The following SLC9A9 variants were observed in gnomAD, a reference collection of about 807,000 sequenced individuals.
The protein encoded by SLC9A9 is sodium/hydrogen exchanger 9.
A neutral mutation model predicts 77.8 loss-of-function variants in SLC9A9; 62 were observed. The observed-to-expected ratio is 0.80, with a 90% CI of 0.65 to 0.98. SLC9A9 has a LOEUF of 0.98. Ranked by LOEUF, SLC9A9 falls within the 50% of genes least tolerant of loss-of-function variation. The pLI is 0.00. For synonymous variants in SLC9A9, 320 were observed against 283.5 expected, an observed-to-expected ratio of 1.13 and a Z score of -1.29; for missense variants, 775 against 774.9, an observed-to-expected ratio of 1.00 and a Z score of 0.00.
intron 9 of SLC9A9, among the ~76,000 whole-genome samples, chr3:143,523,606 C>T (rs542205979): frequency 3.9e-5 from 6 of 152,222 alleles, no homozygotes; most frequent in Admixed American, 2.0e-4. Context: ...GAAGTCCCAA[C>T]GTCATTTTAT....
intron 14 of SLC9A9, 58 bp from the exon 15 acceptor site, chr3:143,269,038 G>C: frequency 1.6e-6 from 2 of 1,271,826 alleles, no homozygotes; most frequent in South Asian, 1.2e-5. Context: ...GGAATCTTAC[G>C]CTGCACAAAC....
intron 12 of SLC9A9, among the ~76,000 whole-genome samples, chr3:143,403,554 T>G (rs1450363428): frequency 6.6e-6 from 1 of 152,174 alleles, no homozygotes; most frequent in Non-Finnish European, 1.5e-5. Context: ...AACAACAAAT[T>G]CAGTCTTTAT....
intron 9 of SLC9A9, among the ~76,000 whole-genome samples, chr3:143,529,190 G>A (rs893215857): frequency 1.3e-5 from 2 of 152,156 alleles, no homozygotes; most frequent in Non-Finnish European, 2.9e-5. Flanking sequence ...AGTGGGAAAT[G>A]CCCCTCTGGG....
intron 4 of SLC9A9, among the ~76,000 whole-genome samples, chr3:143,706,880 C>T (rs890936140): frequency 2.0e-5 from 3 of 152,080 alleles, no homozygotes; most frequent in Non-Finnish European, 2.9e-5. Flanking sequence ...CAAGATAATC[C>T]TTCTTAGAGT....
At chr3:143,320,850 A>G (rs1167639153) in intron 14 of SLC9A9, among the ~76,000 whole-genome samples, 4 of 152,226 alleles carry the variant, frequency 2.6e-5, no homozygotes, top group Admixed American at 2.0e-4. Context: ...AGATGAGGTC[A>G]TAGCATGGAT....
intron 5 of SLC9A9, among the ~76,000 whole-genome samples, chr3:143,662,764 A>T (rs967762859): frequency 1.1e-4 from 17 of 152,008 alleles, no homozygotes; most frequent in African/African-American, 4.1e-4. Context: ...GGTGTCTGCC[A>T]TTGCTGAGGC....
At chr3:143,329,542 C>T (rs1372909032) in intron 14 of SLC9A9, among the ~76,000 whole-genome samples, 2 of 152,156 alleles carry the variant, frequency 1.3e-5, no homozygotes, top group Non-Finnish European at 1.5e-5. Context: ...CCCGACTCTG[C>T]CATCCTCCCA....
Position 143,613,344 on chromosome 3 carries a change from G to GAAAATTAAGACTGTTGTGA in SLC9A9, c.756-34640_756-34622dup, listed in dbSNP as rs1159319522. Among the ~76,000 whole-genome samples, 14 of 152,310 alleles carry GAAAATTAAGACTGTTGTGA rather than the reference G, an allele frequency of 9.2e-5. No homozygotes were observed. The South Asian group carries it at 2.9e-3, about 32-fold the overall frequency. The stretch of plus-strand genomic sequence containing the variant: ...ACTATAGATGTTAGCTTACTGAAAA[G>GAAAATTAAGACTGTTGTGA]AAAATTAAGACTGTTGTGAAACAGT... On this transcript the variant is annotated intron_variant, in intron 6 of 15. Coordinates refer to ENST00000316549, the MANE Select transcript of SLC9A9 (RefSeq NM_173653.4).
chr3:143,745,511 T>G (rs1204892728), intron 4 of SLC9A9, among the ~76,000 whole-genome samples: 2 of 152,210 alleles, frequency 1.3e-5, no homozygotes, highest in African/African-American at 4.8e-5. Flanking sequence ...AAATCATCCT[T>G]CATGAAAACT....
chr3:143,755,469 C>T (rs2006892530), intron 4 of SLC9A9, among the ~76,000 whole-genome samples: 2 of 152,282 alleles, frequency 1.3e-5, no homozygotes, highest in African/African-American at 4.8e-5. Flanking sequence ...CCTAAATCTA[C>T]AAGCAACCTT....
intron 13 of SLC9A9, among the ~76,000 whole-genome samples, chr3:143,370,564 C>T (rs905578615): frequency 1.7e-5 from 2 of 118,854 alleles, no homozygotes; most frequent in African/African-American, 4.0e-5. Context: ...TATGCATGTG[C>T]GCGCACACAC....
At chr3:143,807,069 AATGT>A (rs1332509809) in intron 2 of SLC9A9, among the ~76,000 whole-genome samples, 5 of 152,220 alleles carry the variant, frequency 3.3e-5, no homozygotes, top group Non-Finnish European at 7.3e-5. Context: ...CAAAGGCAGA[AATGT>A]GACCGAAACA....
At chr3:143,842,415 A>C (rs1321049703) in intron 1 of SLC9A9, among the ~76,000 whole-genome samples, 1 of 152,086 alleles carries the variant, frequency 6.6e-6, no homozygotes, top group African/African-American at 2.4e-5. Context: ...ACCCCCAAAA[A>C]CATAAAAAAA....
intron 12 of SLC9A9, among the ~76,000 whole-genome samples, chr3:143,385,689 C>G (rs773741163): frequency 6.6e-6 from 1 of 152,206 alleles, no homozygotes; most frequent in Non-Finnish European, 1.5e-5. Context: ...AGAAAGAAGA[C>G]ATAATATTGT....
intron 5 of SLC9A9, among the ~76,000 whole-genome samples, chr3:143,653,522 A>G (rs2038835053): frequency 6.6e-6 from 1 of 152,160 alleles, no homozygotes; most frequent in African/African-American, 2.4e-5. Flanking sequence ...GTGTTGTACA[A>G]AACAGTGCTA....
chr3:143,490,800 A>G (rs2035730769), intron 11 of SLC9A9, among the ~76,000 whole-genome samples: 1 of 152,188 alleles, frequency 6.6e-6, no homozygotes, highest in African/African-American at 2.4e-5. Flanking sequence ...GTGACTTTTG[A>G]GCGTGGTATC....
intron 14 of SLC9A9, among the ~76,000 whole-genome samples, chr3:143,353,936 T>A (rs74962125): frequency 0.037 from 5,674 of 152,238 alleles, 181 homozygotes; most frequent in East Asian, 0.18. Flanking sequence ...CTGTACCACA[T>A]CACTCTACCT....
intron 4 of SLC9A9, among the ~76,000 whole-genome samples, chr3:143,794,366 T>C (rs2008314086): frequency 6.6e-6 from 1 of 152,118 alleles, no homozygotes; most frequent in Non-Finnish European, 1.5e-5. Context: ...TTGGACGGGA[T>C]TATCAGAGGC....
At chr3:143,345,563 TAGA>T (rs1178330650) in intron 14 of SLC9A9, among the ~76,000 whole-genome samples, 4 of 152,060 alleles carry the variant, frequency 2.6e-5, no homozygotes, top group Non-Finnish European at 5.9e-5. Flanking sequence ...GAGGAATGAG[TAGA>T]AGGAGAGCAA....
Sources: allele counts gnomAD v4.1 joint callset (sites outside exome capture counted in the v4.1 genomes callset), GRCh38; gene constraint gnomAD v4.1.1; transcripts MANE v1.5; gene names NCBI Gene and HGNC (gene_info 2026-07-23, HGNC 2026-07-21).